The following FAAH2 variants were observed in gnomAD, a reference collection of about 807,000 sequenced individuals.
FAAH2 encodes the protein fatty-acid amide hydrolase 2.
FAAH2 carries 60 observed loss-of-function variants against 36.9 expected under a neutral mutation model. That is an observed-to-expected ratio of 1.63 (90% confidence interval 1.32 to 2.02). The LOEUF (loss-of-function observed/expected upper bound fraction) is 2.02. Ranked by LOEUF, FAAH2 falls within the 30% of genes most tolerant of loss-of-function variation. The pLI is 0.00. For synonymous variants in FAAH2, 214 were observed against 143.8 expected, an observed-to-expected ratio of 1.49 and a Z score of -3.49; for missense variants, 689 against 397.5, an observed-to-expected ratio of 1.73 and a Z score of -6.23.
the FAAH2 span, among the ~76,000 whole-genome samples, chrX:57,168,817 T>C: frequency 8.9e-6 from 1 of 112,198 alleles, no homozygotes; most frequent in African/African-American, 3.2e-5. Flanking sequence ...TTATAATATT[T>C]TAAATTTGTA....
intron 2 of FAAH2, among the ~76,000 whole-genome samples, chrX:57,308,462 C>T (rs1306592982): frequency 9.0e-6 from 1 of 111,221 alleles, no homozygotes; most frequent in Non-Finnish European, 1.9e-5. Flanking sequence ...ATCTTTTGCC[C>T]ACTTTTAAGT....
At chrX:57,439,422 A>G (rs371139929) in intron 8 of FAAH2, among the ~76,000 whole-genome samples, 7 of 111,580 alleles carry the variant, frequency 6.3e-5, no homozygotes, top group East Asian at 2.8e-4. Flanking sequence ...GTCTGTTCAT[A>G]TCCTTCGCCC....
chrX:57,393,142 G>T (rs1235440341), intron 7 of FAAH2: 18 of 1,070,828 alleles, frequency 1.7e-5, no homozygotes, highest in Non-Finnish European at 2.2e-5. Context: ...AGCCGATGAG[G>T]TCCAGCTCAG....
intron 7 of FAAH2, among the ~76,000 whole-genome samples, chrX:57,419,932 C>T (rs1304187143): frequency 8.9e-6 from 1 of 111,938 alleles, no homozygotes; most frequent in East Asian, 2.8e-4. Context: ...CAGCTTTCTC[C>T]ATATGGCTAG....
chrX:57,424,927 A>T (rs2056123316), intron 7 of FAAH2, among the ~76,000 whole-genome samples: 2 of 111,789 alleles, frequency 1.8e-5, no homozygotes, highest in East Asian at 5.6e-4. Context: ...TCAAAACATT[A>T]ATTTTAAAGA....
chrX:57,264,257 T>C, the FAAH2 span, among the ~76,000 whole-genome samples: 2 of 112,049 alleles, frequency 1.8e-5, no homozygotes, highest in African/African-American at 6.5e-5. Flanking sequence ...TGTGAACAAA[T>C]CTGTAAAAAA....
At chrX:57,204,893 C>A in the FAAH2 span, among the ~76,000 whole-genome samples, 1 of 112,259 alleles carries the variant, frequency 8.9e-6, no homozygotes, top group African/African-American at 3.2e-5. Flanking sequence ...ATGCTAGTAA[C>A]GTGTTTAATA....
intron 8 of FAAH2, among the ~76,000 whole-genome samples, chrX:57,438,155 A>G (rs2056455994): frequency 9.5e-6 from 1 of 105,391 alleles, no homozygotes; most frequent in Non-Finnish European, 1.9e-5. Context: ...GTGTATATAT[A>G]TATACACACA....
chrX:57,150,942 T>G, the FAAH2 span, among the ~76,000 whole-genome samples: 2 of 112,316 alleles, frequency 1.8e-5, no homozygotes, highest in Non-Finnish European at 3.8e-5. Context: ...AGGAGCTCTT[T>G]TAGGGCAGGC....
chrX:57,331,325 G>A (rs891715839), intron 3 of FAAH2, among the ~76,000 whole-genome samples: 1 of 111,144 alleles, frequency 9.0e-6, no homozygotes, highest in East Asian at 2.9e-4. Flanking sequence ...CCCAGGTGTT[G>A]CTGGGAGCAA....
At chrX:57,459,801 ACAT>A (rs1249565151) in intron 10 of FAAH2, among the ~76,000 whole-genome samples, 1 of 111,950 alleles carries the variant, frequency 8.9e-6, no homozygotes, top group Non-Finnish European at 1.9e-5. Context: ...AACAACATCA[ACAT>A]CAGCATAAAG....
chrX:57,371,951 G>A (rs936697657), intron 5 of FAAH2, among the ~76,000 whole-genome samples: 1 of 111,874 alleles, frequency 8.9e-6, no homozygotes, highest in Admixed American at 9.5e-5. Flanking sequence ...GCCTCAGGCT[G>A]CATTAATGTT....
At chrX:57,380,079 G>A (rs918678210) in intron 6 of FAAH2, among the ~76,000 whole-genome samples, 4 of 110,980 alleles carry the variant, frequency 3.6e-5, no homozygotes, top group African/African-American at 9.8e-5. Flanking sequence ...AATGGGGTAG[G>A]TATCCATCCC....
chrX:57,427,185 C>T (rs1187725078), intron 7 of FAAH2, among the ~76,000 whole-genome samples: 2 of 109,601 alleles, frequency 1.8e-5, no homozygotes, highest in African/African-American at 6.6e-5. Flanking sequence ...AAGATTGAAA[C>T]GGAAAAAAAT....
rs2056069288 is a variant in FAAH2, at chrX:57,422,764, G to T, written c.997-9154G>T. On this transcript the variant is annotated intron_variant, in intron 7 of 10. Coordinates refer to ENST00000374900, the MANE Select transcript of FAAH2 (RefSeq NM_174912.4). ...GGGAGGACACAAGGACACTCTGGGA[G>T]GCTGGAAATGATTATGGATTAGAGG... Among the ~76,000 whole-genome samples the T allele has an allele frequency of 5.4e-5, 6 of 111,782 alleles. No individual in the cohort carries two copies. The Admixed American group carries it at 5.7e-4, about 11-fold the overall frequency.
chrX:57,267,196 T>A, the FAAH2 span, among the ~76,000 whole-genome samples: 1 of 112,393 alleles, frequency 8.9e-6, no homozygotes, highest in South Asian at 3.7e-4. Flanking sequence ...CCATGGCAAA[T>A]CCCCAAGTCG....
the FAAH2 span, chrX:57,135,579 G>T: frequency 9.0e-6 from 5 of 558,160 alleles, no homozygotes; most frequent in African/African-American, 2.3e-5. Context: ...ACAGCTGTTC[G>T]TTCCTTCCAT....
At chrX:57,369,987 C>T (rs1267957024) in intron 5 of FAAH2, among the ~76,000 whole-genome samples, 1 of 111,574 alleles carries the variant, frequency 9.0e-6, no homozygotes, top group Non-Finnish European at 1.9e-5. Flanking sequence ...TTATTATCAA[C>T]TTAAAATTAT....
intron 3 of FAAH2, among the ~76,000 whole-genome samples, chrX:57,328,018 G>C (rs914883282): frequency 3.6e-5 from 4 of 111,596 alleles, no homozygotes; most frequent in African/African-American, 1.3e-4. Context: ...TGGGTTTTTG[G>C]TGTGGATGTC....
Sources: allele counts gnomAD v4.1 joint callset (sites outside exome capture counted in the v4.1 genomes callset), GRCh38; gene constraint gnomAD v4.1.1; transcripts MANE v1.5; gene names NCBI Gene and HGNC (gene_info 2026-07-23, HGNC 2026-07-21).